The following ELMO1 variants were observed in gnomAD, a reference collection of about 807,000 sequenced individuals.
ELMO1 encodes engulfment and cell motility protein 1.
ELMO1 carries 26 observed loss-of-function variants against 98.9 expected under a neutral mutation model. The ratio of observed to expected loss-of-function variants is 0.26; its 90% confidence interval spans 0.19 to 0.36. The LOEUF (loss-of-function observed/expected upper bound fraction) is 0.36, where lower values mean the gene tolerates loss of function less well. ELMO1 is among the 10% of genes least tolerant of loss of function. ELMO1 has a pLI of 1.00. For synonymous variants in ELMO1, 346 were observed against 346.0 expected (o/e 1.00, Z 0.00); for missense variants, 627 against 935.2 (o/e 0.67, Z 4.30).
Position 37,244,382 on chromosome 7 carries a change from C to T in ELMO1, c.423G>A (p.Gln141=). Residue 141 remains glutamine, a synonymous_variant, in exon 7 of 22, where the codon CAG becomes CAA. Coordinates refer to ENST00000310758, the MANE Select transcript of ELMO1 (RefSeq NM_014800.11). ...AAGGCTTCATGATCTTCTGCAATTT[C>T]TGGTATCGCCTGCAAAATTTAAAAA... ...QMVESGTERY[Q]KLQKIMKPCF... is the part of the protein sequence containing the mutation. The T allele has an allele frequency of 6.2e-7, 1 of 1,612,824 alleles. No homozygotes were observed. The highest frequency in any genetic ancestry group is 8.5e-7 in the Non-Finnish European group (1 of 1,179,734).
intron 1 of ELMO1, among the ~76,000 whole-genome samples, chr7:37,362,571 C>T (rs1435256466): frequency 3.3e-5 from 5 of 152,160 alleles, no homozygotes; most frequent in Admixed American, 3.3e-4. Flanking sequence ...AATGTATATC[C>T]TGAACCCAAG....
chr7:37,042,420 TA>T (rs1412378547), intron 15 of ELMO1, among the ~76,000 whole-genome samples: 1 of 152,152 alleles, frequency 6.6e-6, no homozygotes, highest in African/African-American at 2.4e-5. Context: ...TGATTTCTCT[TA>T]GTTGAATTCT....
At chr7:36,927,234 A>C (rs1170989558) in intron 16 of ELMO1, among the ~76,000 whole-genome samples, 1 of 152,318 alleles carries the variant, frequency 6.6e-6, no homozygotes, top group East Asian at 1.9e-4. Flanking sequence ...CAGATTCCTT[A>C]ATCACTATGC....
chr7:36,899,024 G>A (rs1806275642), intron 16 of ELMO1, among the ~76,000 whole-genome samples: 1 of 152,202 alleles, frequency 6.6e-6, no homozygotes, highest in African/African-American at 2.4e-5. Flanking sequence ...GAGGTGCAGG[G>A]GAGGGGCCAT....
intron 1 of ELMO1, among the ~76,000 whole-genome samples, chr7:37,405,039 A>C (rs1298058339): frequency 6.6e-6 from 1 of 152,172 alleles, no homozygotes; most frequent in Admixed American, 6.5e-5. Flanking sequence ...CCAGGAGAGA[A>C]GTCACTGTGG....
At chr7:37,122,791 G>A (rs1786165417) in intron 14 of ELMO1, among the ~76,000 whole-genome samples, 1 of 152,158 alleles carries the variant, frequency 6.6e-6, no homozygotes, top group African/African-American at 2.4e-5. Flanking sequence ...GGACCTAATA[G>A]ACATCTACAG....
chr7:36,927,587 A>G (rs1432753350), intron 16 of ELMO1, among the ~76,000 whole-genome samples: 1 of 152,216 alleles, frequency 6.6e-6, no homozygotes, highest in Non-Finnish European at 1.5e-5. Flanking sequence ...TTCCCTTGTG[A>G]AGAGTCAGAG....
At chr7:37,190,645 C>G (rs1357510857) in intron 13 of ELMO1, among the ~76,000 whole-genome samples, 6 of 151,942 alleles carry the variant, frequency 3.9e-5, no homozygotes, top group African/African-American at 1.5e-4. Context: ...TTACGGGCAC[C>G]CTGCCAATCA....
At chr7:36,902,660 A>G (rs938212218) in intron 16 of ELMO1, among the ~76,000 whole-genome samples, 2 of 152,216 alleles carry the variant, frequency 1.3e-5, no homozygotes, top group Non-Finnish European at 2.9e-5. Flanking sequence ...TCTGGGTGCC[A>G]TATACCTGGA....
chr7:37,077,041 G>A (rs1797620047), intron 15 of ELMO1, among the ~76,000 whole-genome samples: 1 of 152,190 alleles, frequency 6.6e-6, no homozygotes, highest in African/African-American at 2.4e-5. Context: ...CTTCTGTCCA[G>A]TTCAGTATGG....
At chr7:37,080,600 A>ATTTTTTTTTTT (rs764259726) in intron 15 of ELMO1, among the ~76,000 whole-genome samples, 766 of 105,252 alleles carry the variant, frequency 7.3e-3, no homozygotes, top group Non-Finnish European at 8.7e-3. Context: ...ACCACGCCTA[A>ATTTTTTTTTTT]TTTTTTTTTT....
intron 16 of ELMO1, among the ~76,000 whole-genome samples, chr7:36,959,683 T>G (rs761953661): frequency 6.6e-6 from 1 of 152,122 alleles, no homozygotes; most frequent in Non-Finnish European, 1.5e-5. Flanking sequence ...TTTCTCTAAT[T>G]TTTTATTTTT....
chr7:37,038,468 C>A (rs1033641757), intron 15 of ELMO1, among the ~76,000 whole-genome samples: 2 of 152,210 alleles, frequency 1.3e-5, no homozygotes, highest in Admixed American at 1.3e-4. Context: ...ACACCAGTGA[C>A]CCAAAGGATG....
chr7:37,157,860 CA>C (rs1788907128), intron 13 of ELMO1, among the ~76,000 whole-genome samples: 1 of 151,968 alleles, frequency 6.6e-6, no homozygotes, highest in Non-Finnish European at 1.5e-5. Flanking sequence ...AATCCTAAGC[CA>C]AAAGAACAAA....
At chr7:37,207,837 C>G (rs960530879) in intron 13 of ELMO1, among the ~76,000 whole-genome samples, 10 of 151,868 alleles carry the variant, frequency 6.6e-5, no homozygotes, top group African/African-American at 2.4e-4. Context: ...CAAAACTCTA[C>G]CAAAAACAAA....
At chr7:37,021,311 G>T (rs1268680208) in intron 15 of ELMO1, among the ~76,000 whole-genome samples, 1 of 152,120 alleles carries the variant, frequency 6.6e-6, no homozygotes, top group East Asian at 1.9e-4. Context: ...CTGAAGTCTG[G>T]TTTAATAGAA....
chr7:36,959,157 T>C (rs1424216693), intron 16 of ELMO1, among the ~76,000 whole-genome samples: 1 of 152,094 alleles, frequency 6.6e-6, no homozygotes, highest in African/African-American at 2.4e-5. Flanking sequence ...GCTCTACCTT[T>C]CAAATAAATT....
intron 13 of ELMO1, among the ~76,000 whole-genome samples, chr7:37,137,986 G>T (rs571633452): frequency 6.6e-6 from 1 of 152,110 alleles, no homozygotes; most frequent in African/African-American, 2.4e-5. Flanking sequence ...TGATCACTGG[G>T]TCAACAGAGA....
intron 15 of ELMO1, among the ~76,000 whole-genome samples, chr7:37,024,872 G>A (rs763786574): frequency 5.9e-5 from 9 of 151,866 alleles, no homozygotes; most frequent in Non-Finnish European, 8.8e-5. Context: ...ACTTAGCTTC[G>A]CGTTAGAAAG....
Sources: allele counts gnomAD v4.1 joint callset (sites outside exome capture counted in the v4.1 genomes callset), GRCh38; gene constraint gnomAD v4.1.1; transcripts MANE v1.5; gene names NCBI Gene and HGNC (gene_info 2026-07-23, HGNC 2026-07-21).